The following GALNT14 variants were observed in gnomAD, a reference collection of about 807,000 sequenced individuals.
GALNT14 encodes polypeptide N-acetylgalactosaminyltransferase 14.
A neutral mutation model predicts 77.5 loss-of-function variants in GALNT14; 60 were observed. The observed-to-expected ratio is 0.77, with a 90% CI of 0.63 to 0.96. The LOEUF is 0.96. Among genes scored for constraint, GALNT14 ranks in the 40% least tolerant of loss-of-function variants. The pLI is 0.00. For missense variants in GALNT14, 710 were observed against 731.0 expected, an observed-to-expected ratio of 0.97 and a Z score of 0.33; for synonymous variants, 280 against 281.7, an observed-to-expected ratio of 0.99 and a Z score of 0.06.
chr2:31,130,774 G>GCGCGCGCGCC (rs1220969519), intron 1 of GALNT14, among the ~76,000 whole-genome samples: 14 of 142,660 alleles, frequency 9.8e-5, no homozygotes, highest in African/African-American at 1.4e-4. Flanking sequence ...GTGTGTGTGT[G>GCGCGCGCGCC]TGTGTGTGTG....
At chr2:31,111,189 G>A (rs1416120700) in intron 1 of GALNT14, among the ~76,000 whole-genome samples, 2 of 152,192 alleles carry the variant, frequency 1.3e-5, no homozygotes, top group Non-Finnish European at 2.9e-5. Context: ...TACCTGTTGA[G>A]CTACCCAGCC....
chr2:31,007,542 A>G (rs916718510), intron 1 of GALNT14, among the ~76,000 whole-genome samples: 3 of 152,314 alleles, frequency 2.0e-5, no homozygotes, highest in Admixed American at 6.5e-5. Context: ...TGTTAGAGTG[A>G]CATTTCGAAT....
intron 1 of GALNT14, among the ~76,000 whole-genome samples, chr2:31,033,852 T>C (rs771940245): frequency 1.8e-4 from 27 of 152,292 alleles, no homozygotes; most frequent in Non-Finnish European, 4.4e-5. Context: ...TCCACTTGGA[T>C]GTTCTCACTA....
chr2:30,968,030 C>A (rs1281331387), intron 2 of GALNT14, among the ~76,000 whole-genome samples: 1 of 152,208 alleles, frequency 6.6e-6, no homozygotes, highest in Non-Finnish European at 1.5e-5. Context: ...GTGTTCCATA[C>A]TCCCCCAAAT....
intron 13 of GALNT14, among the ~76,000 whole-genome samples, chr2:30,922,112 C>T (rs1435270161): frequency 1.3e-5 from 2 of 152,076 alleles, no homozygotes; most frequent in African/African-American, 4.8e-5. Flanking sequence ...ATGGAGAGAG[C>T]TAGTGGGACA....
At chr2:31,129,366 A>G in intron 1 of GALNT14, 2 of 985,382 alleles carry the variant, frequency 2.0e-6, no homozygotes, top group South Asian at 4.7e-5. Context: ...GGTGGGGAAA[A>G]AAGCTACCTC....
chr2:30,950,817 C>T (rs562408484), intron 6 of GALNT14, among the ~76,000 whole-genome samples: 16 of 152,118 alleles, frequency 1.1e-4, no homozygotes, highest in Non-Finnish European at 2.1e-4. Flanking sequence ...CATTCGGAAA[C>T]GAAGAGATGA....
chr2:30,898,381 T>C, the GALNT14 span, among the ~76,000 whole-genome samples: 505 of 152,344 alleles, frequency 3.3e-3, 3 homozygotes, highest in African/African-American at 0.011. Flanking sequence ...TGGGACCTGA[T>C]GTTTAATCCT....
At chr2:31,088,047 CA>C (rs1464238709) in intron 1 of GALNT14, among the ~76,000 whole-genome samples, 1 of 152,186 alleles carries the variant, frequency 6.6e-6, no homozygotes, top group Non-Finnish European at 1.5e-5. Flanking sequence ...TAGGACTTCC[CA>C]GCCTCTAGAA....
chr2:31,118,511 T>C (rs1422788339), intron 1 of GALNT14, among the ~76,000 whole-genome samples: 1 of 151,622 alleles, frequency 6.6e-6, no homozygotes, highest in Non-Finnish European at 1.5e-5. Flanking sequence ...TATGATTCAA[T>C]CAAAAGATAA....
intron 1 of GALNT14, among the ~76,000 whole-genome samples, chr2:31,109,068 A>T (rs1157661031): frequency 6.6e-6 from 1 of 152,214 alleles, no homozygotes; most frequent in Non-Finnish European, 1.5e-5. Context: ...TGCTCAGCAC[A>T]GCTGTTATCT....
chr2:30,997,724 T>C (rs1670124053), intron 1 of GALNT14, among the ~76,000 whole-genome samples: 1 of 152,238 alleles, frequency 6.6e-6, no homozygotes, highest in Non-Finnish European at 1.5e-5. Flanking sequence ...TATCTGTATA[T>C]ATTTATGGGG....
In GALNT14 at chr2:30,942,299, G is replaced by A. The variant is rs1463571024; in HGVS notation, c.833C>T (p.Pro278Leu). 3 of 1,612,872 alleles carry A rather than the reference G, an allele frequency of 1.9e-6. No homozygotes were observed. Among genetic ancestry groups the A allele is most frequent in the Non-Finnish European group, 2.5e-6 (3 of 1,178,968 alleles). ...CACGAAGAGCCCTCCAGCTATGATA[G>A]GAGTCCTGTGCATTTGGAAGAAAAA... ...RLDPTEPIRTPIIAGGLFVID... is the reference protein window; with the variant it reads ...RLDPTEPIRTLIIAGGLFVID... Residue 278 changes from proline to leucine, a missense_variant, in exon 9 of 15, where the codon CCT (proline) becomes CTT (leucine). Physicochemically the swap from Pro to Leu is moderately conservative, Grantham distance 98 (BLOSUM62 -3). Transcript: ENST00000349752.
intron 1 of GALNT14, among the ~76,000 whole-genome samples, chr2:31,098,075 C>T (rs1040022684): frequency 6.6e-6 from 1 of 152,180 alleles, no homozygotes; most frequent in African/African-American, 2.4e-5. Context: ...GCCTCAATCA[C>T]ATTCTACGTC....
intron 10 of GALNT14, 112 bp downstream of exon 10, chr2:30,931,956 T>C (rs1384992814): frequency 1.7e-6 from 2 of 1,149,986 alleles, no homozygotes; most frequent in Non-Finnish European, 2.3e-6. Flanking sequence ...CCAGTTCAAA[T>C]CACACAGGCA....
At chr2:30,905,449 G>A in the GALNT14 span, among the ~76,000 whole-genome samples, 58 of 152,138 alleles carry the variant, frequency 3.8e-4, no homozygotes, top group Non-Finnish European at 6.2e-4. Context: ...TCAACTGGAA[G>A]AAAGGGTATC....
intron 13 of GALNT14, among the ~76,000 whole-genome samples, chr2:30,917,793 C>T (rs191842437): frequency 2.6e-3 from 390 of 152,350 alleles, no homozygotes; most frequent in African/African-American, 8.9e-3. Context: ...CTGAACTTGG[C>T]CTCTCCTTGG....
At chr2:30,960,490 GA>G (rs777142276) in intron 3 of GALNT14, among the ~76,000 whole-genome samples, 16 of 147,890 alleles carry the variant, frequency 1.1e-4, no homozygotes, top group East Asian at 5.9e-4. Flanking sequence ...AAACAGAAAA[GA>G]AAAAAAAAAG....
intron 1 of GALNT14, among the ~76,000 whole-genome samples, chr2:31,066,998 A>G (rs1290215377): frequency 1.3e-5 from 2 of 152,028 alleles, no homozygotes; most frequent in Non-Finnish European, 2.9e-5. Context: ...CCTCTGTAAC[A>G]CCAGTGACAC....
Sources: allele counts gnomAD v4.1 joint callset (sites outside exome capture counted in the v4.1 genomes callset), GRCh38; gene constraint gnomAD v4.1.1; transcripts MANE v1.5; gene names NCBI Gene and HGNC (gene_info 2026-07-23, HGNC 2026-07-21).